The following FBN1 variants were observed in gnomAD, a reference collection of about 807,000 sequenced individuals.
FBN1 encodes the protein fibrillin 1.
A neutral mutation model predicts 365.1 loss-of-function variants in FBN1; 29 were observed. The observed-to-expected ratio is 0.08, with a 90% CI of 0.06 to 0.11. The LOEUF (loss-of-function observed/expected upper bound fraction) is 0.11, where lower values mean the gene tolerates loss of function less well. FBN1 is among the 10% of genes least tolerant of loss of function. FBN1 has a pLI of 1.00. For synonymous variants in FBN1, 1,210 were observed against 1,270.5 expected, an observed-to-expected ratio of 0.95 and a Z score of 1.01; for missense variants, 2,476 against 3,703.2, an observed-to-expected ratio of 0.67 and a Z score of 8.60.
intron 30 of FBN1, among the ~76,000 whole-genome samples, chr15:48,484,551 A>G (rs1412054328): frequency 1.3e-5 from 2 of 151,986 alleles, no homozygotes; most frequent in Non-Finnish European, 1.5e-5. Context: ...TTGTATTTTT[A>G]GTAGAAATGG....
chr15:48,541,727 C>CTTTT (rs61478233), intron 6 of FBN1, among the ~76,000 whole-genome samples: 20 of 137,764 alleles, frequency 1.5e-4, no homozygotes, highest in African/African-American at 5.3e-4. Flanking sequence ...TTTACATACT[C>CTTTT]TTTTTTTTTT....
Position 48,613,025 on chromosome 15 carries a change from T to A in FBN1, c.232A>T (p.Asn78Tyr). The change falls in exon 3 of 66, where the codon AAT becomes TAT. Residue 78 changes from asparagine to tyrosine, a missense_variant. By Grantham distance (143) the Asn-to-Tyr change is moderately radical. Around this residue, in one of 5 missense-constraint regions of FBN1, gnomAD observed 22 missense variants for 64.1 expected, o/e 0.34. Transcript: ENST00000316623. ...CPGWKTLPGG[N>Y]QCIVPICRHS... Reference sequence around the variant, plus strand: ...ATTTACTTACGGACAATACACTGATTTCCGCCAGGTAAGGTTTTCCATCCA... The same window carrying A: ...ATTTACTTACGGACAATACACTGATATCCGCCAGGTAAGGTTTTCCATCCA... 3.1e-6 allele frequency: 5 copies of A among 1,613,172 alleles called. No individual in the cohort carries two copies. Among genetic ancestry groups the A allele is most frequent in the Non-Finnish European group, 4.2e-6 (5 of 1,179,466 alleles).
At chr15:48,551,958 A>C (rs143832094) in intron 6 of FBN1, among the ~76,000 whole-genome samples, 2 of 152,302 alleles carry the variant, frequency 1.3e-5, no homozygotes, top group East Asian at 3.9e-4. Context: ...TAGTGCTGCA[A>C]TGAGCATACA....
intron 34 of FBN1, among the ~76,000 whole-genome samples, chr15:48,473,115 G>T (rs2043391669): frequency 6.6e-6 from 1 of 152,124 alleles, no homozygotes; most frequent in African/African-American, 2.4e-5. Context: ...ATAATCACAG[G>T]CATTTAAATA....
intron 5 of FBN1, among the ~76,000 whole-genome samples, chr15:48,599,708 T>A (rs1032599089): frequency 6.6e-6 from 1 of 152,192 alleles, no homozygotes; most frequent in Non-Finnish European, 1.5e-5. Flanking sequence ...GGGATGCAGA[T>A]ACCACCAATC....
At chr15:48,534,965 A>G (rs2044002812) in intron 7 of FBN1, among the ~76,000 whole-genome samples, 1 of 152,158 alleles carries the variant, frequency 6.6e-6, no homozygotes, top group African/African-American at 2.4e-5. Context: ...GGAGTTCGAC[A>G]TGACTTCTCT....
intron 38 of FBN1, among the ~76,000 whole-genome samples, chr15:48,466,788 A>G (rs1175880657): frequency 6.6e-6 from 1 of 152,126 alleles, no homozygotes; most frequent in African/African-American, 2.4e-5. Context: ...TTCGACACCA[A>G]TGAAATGAAA....
In FBN1 at chr15:48,511,062, A is replaced by G. The variant is rs560021898; in HGVS notation, c.1589-893T>C. ...GGACCAAGAAACTATGTGGAGTTGG[A>G]TGCGAGCATTCCTATCTATGCAGAG... On this transcript the variant is annotated intron_variant, in intron 13 of 65. Coordinates refer to ENST00000316623, the MANE Select transcript of FBN1 (RefSeq NM_000138.5). 7.0e-4 allele frequency among the ~76,000 whole-genome samples: 107 copies of G among 152,332 alleles called. 1 individual carries two copies. The highest frequency in any genetic ancestry group is 2.2e-3 in the African/African-American group (93 of 41,580).
At chr15:48,584,142 T>G (rs2140691882) in intron 6 of FBN1, among the ~76,000 whole-genome samples, 1 of 152,312 alleles carries the variant, frequency 6.6e-6, no homozygotes, top group African/African-American at 2.4e-5. Flanking sequence ...TTCTTATACA[T>G]GTATTATGTG....
intron 6 of FBN1, among the ~76,000 whole-genome samples, chr15:48,540,251 A>C (rs2044047773): frequency 6.6e-6 from 1 of 152,208 alleles, no homozygotes; most frequent in Admixed American, 6.5e-5. Context: ...AATTGAGAAA[A>C]GGCAGTAGCA....
rs544350172 is a variant in FBN1 at position 48,607,654 on chromosome 15, C to A, written c.346+3074G>T. Among the ~76,000 whole-genome samples, 375 of 152,148 alleles carry A rather than the reference C, an allele frequency of 2.5e-3. 1 individual carries two copies. The highest frequency in any genetic ancestry group is 8.7e-3 in the African/African-American group (360 of 41,518). Reference sequence around the variant, plus strand: ...GCTGGCCTCTTGATCTTGGACTTCCCAGCCTCTAGAACTGTAAAAAAATAC... The same window carrying A: ...GCTGGCCTCTTGATCTTGGACTTCCAAGCCTCTAGAACTGTAAAAAAATAC... On this transcript the variant is annotated intron_variant, in intron 4 of 65. Transcript: ENST00000316623.
At chr15:48,551,839 G>T (rs2044144585) in intron 6 of FBN1, among the ~76,000 whole-genome samples, 1 of 152,080 alleles carries the variant, frequency 6.6e-6, no homozygotes, top group South Asian at 2.1e-4. Flanking sequence ...TCCTTGCAAA[G>T]TTCCCTTTTA....
intron 10 of FBN1, among the ~76,000 whole-genome samples, chr15:48,518,913 T>C (rs2043828290): frequency 6.6e-6 from 1 of 152,214 alleles, no homozygotes; most frequent in African/African-American, 2.4e-5. Context: ...CTGAGGGCTG[T>C]GCATCTCTCA....
At chr15:48,445,865 A>T (rs1352526231) in intron 47 of FBN1, among the ~76,000 whole-genome samples, 2 of 152,120 alleles carry the variant, frequency 1.3e-5, no homozygotes, top group Non-Finnish European at 2.9e-5. Flanking sequence ...ATTCCTTTGT[A>T]TTCTTGCAAT....
chr15:48,481,576 A>C, intron 32 of FBN1, 79 bp downstream of exon 32: 1 of 1,436,024 alleles, frequency 7.0e-7, no homozygotes, highest in Non-Finnish European at 9.6e-7. Flanking sequence ...TATGAGTTTT[A>C]AAACATGTAT....
Position 48,448,669 on chromosome 15 carries a change from A to G in FBN1, c.5671+99T>C, listed in dbSNP as rs2043177288. On this transcript the variant is annotated intron_variant, in intron 46 of 65. Coordinates refer to ENST00000316623, the MANE Select transcript of FBN1 (RefSeq NM_000138.5). ...GTGTTTTTATTTTGTATATAGCAAAAATACTACTAAAAGACTTAGTATTAA... is the reference window on the plus strand; with the variant it reads ...GTGTTTTTATTTTGTATATAGCAAAGATACTACTAAAAGACTTAGTATTAA... 3 of 1,190,548 alleles carry G rather than the reference A, an allele frequency of 2.5e-6. No homozygotes were observed. The East Asian group carries it at 7.8e-5, about 31-fold the overall frequency. 73.7% of individuals were successfully genotyped at this position (1,190,548 alleles called of 1,614,324 possible).
chr15:48,626,708 GTTT>G (rs907450112), intron 2 of FBN1, among the ~76,000 whole-genome samples: 1 of 149,150 alleles, frequency 6.7e-6, no homozygotes, highest in Non-Finnish European at 1.5e-5. Context: ...AAAAACTTAA[GTTT>G]TTTTTTTAAT....
chr15:48,558,633 C>T (rs181901478), intron 6 of FBN1, among the ~76,000 whole-genome samples: 108 of 152,252 alleles, frequency 7.1e-4, no homozygotes, highest in Non-Finnish European at 1.4e-3. Flanking sequence ...GGCTACAGCA[C>T]ATACTAATAA....
chr15:48,550,747 T>C (rs2044134696), intron 6 of FBN1, among the ~76,000 whole-genome samples: 1 of 152,104 alleles, frequency 6.6e-6, no homozygotes, highest in Non-Finnish European at 1.5e-5. Flanking sequence ...TTCCTCTCCC[T>C]ATTTTTCCAC....
Sources: allele counts gnomAD v4.1 joint callset (sites outside exome capture counted in the v4.1 genomes callset), GRCh38; gene constraint gnomAD v4.1.1; regional missense constraint gnomAD v4.1.1; transcripts MANE v1.5; gene names NCBI Gene and HGNC (gene_info 2026-07-23, HGNC 2026-07-21).